ARMH3: variants seen among roughly 807,000 people sequenced by gnomAD.
The protein encoded by ARMH3 is armadillo-like helical domain-containing protein 3.
ARMH3 carries 60 observed loss-of-function variants against 99.1 expected under a neutral mutation model. The observed-to-expected ratio is 0.61, with a 90% CI of 0.49 to 0.75. The LOEUF (loss-of-function observed/expected upper bound fraction) is 0.75, where lower values mean the gene tolerates loss of function less well. Among genes scored for constraint, ARMH3 ranks in the 30% least tolerant of loss-of-function variants. The pLI, the probability that ARMH3 is intolerant of heterozygous loss-of-function variation, is 0.00. For missense variants in ARMH3, 679 were observed against 843.1 expected (o/e 0.81, Z 2.41); for synonymous variants, 285 against 292.8 (o/e 0.97, Z 0.27).
At position 101,959,843 on chromosome 10, in the gene ARMH3, T is replaced by C. The variant is rs115685281; in HGVS notation, c.1496-2111A>G. 9.4e-3 allele frequency among the ~76,000 whole-genome samples: 1,430 copies of C among 152,308 alleles called. 17 individuals are homozygous for C. Among genetic ancestry groups the C allele is most frequent in the African/African-American group, 0.033 (1,357 of 41,564 alleles). On this transcript the variant is annotated intron_variant, in intron 20 of 25. Transcript: ENST00000370033. ...CCCTGAAAATGCAGGTCAGATATTC[T>C]GCTCCCCCAAGAACCAAGGTCTTCT...
At chr10:102,011,374 T>C (rs1177634082) in intron 11 of ARMH3, among the ~76,000 whole-genome samples, 4 of 152,262 alleles carry the variant, frequency 2.6e-5, no homozygotes, top group South Asian at 4.1e-4. Context: ...GCCAACTCTT[T>C]AGGAAGCAAA....
chr10:101,957,826 G>T, intron 20 of ARMH3, 94 bp from the exon 21 acceptor site: 1 of 1,459,734 alleles, frequency 6.9e-7, no homozygotes, highest in South Asian at 1.4e-5. Flanking sequence ...AAATCCAGAA[G>T]GTTAGAGTGA....
At chr10:101,962,883 T>C (rs1415081178) in intron 20 of ARMH3, among the ~76,000 whole-genome samples, 2 of 152,180 alleles carry the variant, frequency 1.3e-5, no homozygotes, top group Non-Finnish European at 2.9e-5. Context: ...AAAACCATAC[T>C]TTGATCACAA....
At chr10:101,872,027 C>T (rs765398401) in intron 24 of ARMH3, among the ~76,000 whole-genome samples, 1 of 151,658 alleles carries the variant, frequency 6.6e-6, no homozygotes, top group Non-Finnish European at 1.5e-5. Context: ...GTACAATGAA[C>T]ATTTTTGCAA....
At chr10:101,931,573 A>G (rs1489433540) in intron 23 of ARMH3, among the ~76,000 whole-genome samples, 1 of 152,066 alleles carries the variant, frequency 6.6e-6, no homozygotes, top group Non-Finnish European at 1.5e-5. Context: ...CACGTGCCCA[A>G]AAATGAAGTT....
chr10:102,035,127 T>G (rs2067221152), intron 2 of ARMH3, among the ~76,000 whole-genome samples: 1 of 152,004 alleles, frequency 6.6e-6, no homozygotes, highest in East Asian at 1.9e-4. Flanking sequence ...TCCCAGCACT[T>G]TGGCAGGCTG....
chr10:101,902,253 T>A (rs1306907627), intron 23 of ARMH3, among the ~76,000 whole-genome samples: 1 of 152,064 alleles, frequency 6.6e-6, no homozygotes, highest in African/African-American at 2.4e-5. Context: ...CAACAGAAAC[T>A]CTCACAAGGG....
intron 24 of ARMH3, among the ~76,000 whole-genome samples, chr10:101,866,363 G>A (rs1375153551): frequency 6.6e-6 from 1 of 151,954 alleles, no homozygotes; most frequent in Non-Finnish European, 1.5e-5. Flanking sequence ...GCAAGAAGCA[G>A]AGAAGAGTCA....
chr10:101,897,844 A>G (rs1010903353), intron 23 of ARMH3, among the ~76,000 whole-genome samples: 4 of 152,222 alleles, frequency 2.6e-5, no homozygotes, highest in Non-Finnish European at 1.5e-5. Context: ...CAGAAGATAG[A>G]GGTCACTTAT....
At chr10:101,992,401 A>AT (rs1310604883) in intron 17 of ARMH3, among the ~76,000 whole-genome samples, 2 of 152,184 alleles carry the variant, frequency 1.3e-5, no homozygotes, top group East Asian at 1.9e-4. Context: ...AATAATAATA[A>AT]TAAAAAAAAG....
intron 24 of ARMH3, among the ~76,000 whole-genome samples, chr10:101,872,238 T>C (rs1325732154): frequency 2.0e-5 from 3 of 150,088 alleles, no homozygotes; most frequent in African/African-American, 7.4e-5. Flanking sequence ...TGTGTGTGTG[T>C]CTGTGTAACA....
intron 1 of ARMH3, among the ~76,000 whole-genome samples, chr10:102,049,565 T>TA (rs749394336): frequency 1.1e-4 from 16 of 146,526 alleles, no homozygotes; most frequent in Non-Finnish European, 1.6e-4. Flanking sequence ...AGAAAGAAAA[T>TA]AGAGTAGGGC....
At chr10:102,047,676 C>T (rs1423441866) in intron 1 of ARMH3, among the ~76,000 whole-genome samples, 1 of 151,866 alleles carries the variant, frequency 6.6e-6, no homozygotes, top group Non-Finnish European at 1.5e-5. Flanking sequence ...TTTGTAGAAA[C>T]GAGATTTCGC....
chr10:101,979,322 T>C (rs941489987), intron 19 of ARMH3, among the ~76,000 whole-genome samples: 6 of 152,166 alleles, frequency 3.9e-5, no homozygotes, highest in African/African-American at 1.4e-4. Flanking sequence ...GGCTACAACA[T>C]GGATGAATAT....
intron 20 of ARMH3, among the ~76,000 whole-genome samples, chr10:101,968,336 A>G (rs953423687): frequency 6.6e-6 from 1 of 152,166 alleles, no homozygotes; most frequent in African/African-American, 2.4e-5. Flanking sequence ...CTAAAAGTCA[A>G]TGAGACCATG....
rs191657538 is a variant in ARMH3 at position 101,957,836 on chromosome 10, A to G, written c.1496-104T>C. ...AAAAAAAATCCAGAAGGTTAGAGTG[A>G]GTAAGTCTCAGCCACCAAGGTCTTT... On this transcript the variant is annotated intron_variant, in intron 20 of 25. Coordinates refer to ENST00000370033, the MANE Select transcript of ARMH3 (RefSeq NM_024541.3). 13 of 1,422,768 alleles carry G rather than the reference A, an allele frequency of 9.1e-6. No homozygotes were observed. The East Asian group carries it at 3.0e-4, about 33-fold the overall frequency. The allele number at this position is 1,422,768 out of a possible 1,614,324, so 88.1% of individuals were successfully genotyped here. A position where few individuals can be genotyped will look rare whatever the true frequency, so the allele number is the denominator to read the frequency against.
intron 23 of ARMH3, among the ~76,000 whole-genome samples, chr10:101,915,996 G>A (rs1237967571): frequency 6.6e-6 from 1 of 151,844 alleles, no homozygotes; most frequent in Non-Finnish European, 1.5e-5. Context: ...AGTAGAGACG[G>A]GGTTTCACCG....
chr10:102,015,288 T>C (rs958556960), intron 8 of ARMH3, among the ~76,000 whole-genome samples: 2 of 152,056 alleles, frequency 1.3e-5, no homozygotes, highest in Non-Finnish European at 2.9e-5. Flanking sequence ...GACTTAGATA[T>C]GCTGCCATGA....
chr10:101,871,933 G>C (rs571999098), intron 24 of ARMH3, among the ~76,000 whole-genome samples: 1 of 152,058 alleles, frequency 6.6e-6, no homozygotes, highest in Non-Finnish European at 1.5e-5. Flanking sequence ...CCCGGAGGCA[G>C]AGGTTGCAGT....
Sources: gnomAD v4.1 joint callset for allele counts (sites outside exome capture counted in the v4.1 genomes callset) on GRCh38, gnomAD v4.1.1 for gene constraint, MANE v1.5 for transcripts, NCBI Gene and HGNC (gene_info 2026-07-23, HGNC 2026-07-21) for gene names.